The following WASF3 variants were observed in gnomAD, a reference collection of about 807,000 sequenced individuals.
WASF3 encodes the protein WASP family member 3.
A neutral mutation model predicts 46.6 loss-of-function variants in WASF3; 11 were observed. The ratio of observed to expected loss-of-function variants is 0.24; its 90% confidence interval spans 0.15 to 0.39. WASF3 has a LOEUF of 0.39. Ranked by LOEUF, WASF3 falls within the 10% of genes least tolerant of loss-of-function variation. WASF3 has a pLI of 1.00. For synonymous variants in WASF3, 242 were observed against 259.7 expected, an observed-to-expected ratio of 0.93 and a Z score of 0.65; for missense variants, 576 against 669.8, an observed-to-expected ratio of 0.86 and a Z score of 1.55.
At position 26,588,295 on chromosome 13, in the gene WASF3, T is replaced by G. The variant is rs551521394; in HGVS notation, c.-108-24666T>G. 7.4e-4 allele frequency among the ~76,000 whole-genome samples: 112 copies of G among 152,344 alleles called. 1 individual carries two copies. Among genetic ancestry groups the G allele is most frequent in the Admixed American group, 1.3e-3 (20 of 15,302 alleles). ...ATTGAATCCTCAAATGCTGTTTGTT[T>G]GTATGCTAAATGGAAATAGAGGCAG... On this transcript the variant is annotated intron_variant, in intron 1 of 9. Transcript: ENST00000335327.
chr13:26,610,518 G>A (rs1259637272), intron 1 of WASF3, among the ~76,000 whole-genome samples: 1 of 152,192 alleles, frequency 6.6e-6, no homozygotes, highest in Non-Finnish European at 1.5e-5. Context: ...TTATTGAGCA[G>A]GTAGAGGCAT....
At chr13:26,659,916 C>T (rs1165767318) in intron 3 of WASF3, among the ~76,000 whole-genome samples, 1 of 151,996 alleles carries the variant, frequency 6.6e-6, no homozygotes, top group Non-Finnish European at 1.5e-5. Context: ...TATTAGACAC[C>T]CAGTGATGCT....
At chr13:26,548,343 G>A in the WASF3 span, among the ~76,000 whole-genome samples, 112 of 152,236 alleles carry the variant, frequency 7.4e-4, no homozygotes, top group Middle Eastern at 0.01. Flanking sequence ...ACTTTCCGAA[G>A]GTCAATGATC....
chr13:26,541,610 C>T, the WASF3 span, among the ~76,000 whole-genome samples: 1 of 151,276 alleles, frequency 6.6e-6, no homozygotes, highest in Non-Finnish European at 1.5e-5. Flanking sequence ...GCCCCAGCTC[C>T]TTTGGGTTTC....
chr13:26,546,683 G>A, the WASF3 span, among the ~76,000 whole-genome samples: 1 of 152,322 alleles, frequency 6.6e-6, no homozygotes, highest in African/African-American at 2.4e-5. Flanking sequence ...CTGCACTCCA[G>A]CCTGGGCAAC....
chr13:26,579,920 G>A (rs892121537), intron 1 of WASF3, among the ~76,000 whole-genome samples: 9 of 152,184 alleles, frequency 5.9e-5, no homozygotes, highest in African/African-American at 2.2e-4. Context: ...TATGGCCCAT[G>A]GGCTGCATGT....
At chr13:26,601,566 TTA>T (rs1262344462) in intron 1 of WASF3, among the ~76,000 whole-genome samples, 1 of 152,202 alleles carries the variant, frequency 6.6e-6, no homozygotes, top group East Asian at 1.9e-4. Flanking sequence ...AGCTGGCATT[TTA>T]TGCAGAATTC....
chr13:26,570,152 G>C (rs370545906), intron 1 of WASF3, among the ~76,000 whole-genome samples: 3 of 152,100 alleles, frequency 2.0e-5, no homozygotes, highest in African/African-American at 7.2e-5. Flanking sequence ...GCCGGGTGTC[G>C]TGGCAGGCGC....
intron 3 of WASF3, among the ~76,000 whole-genome samples, chr13:26,659,949 G>C (rs919252369): frequency 6.6e-6 from 1 of 152,120 alleles, no homozygotes; most frequent in African/African-American, 2.4e-5. Flanking sequence ...TTTGATACAT[G>C]CATCAGGATC....
At chr13:26,554,090 TCCTTCC>T (rs1433934121), upstream of WASF3, among the ~76,000 whole-genome samples, 1 of 119,884 alleles carries the variant, frequency 8.3e-6, no homozygotes, top group South Asian at 2.9e-4. Context: ...CTTCCTTCCT[TCCTTCC>T]TTCTTTCTTT....
Position 26,681,135 on chromosome 13 carries a change from C to T in WASF3, c.798C>T (p.Ser266=), listed in dbSNP as rs1276158793. ...HSLHPQPVTP[S]YAAGDVPPHG... ...TGCACCCCCAGCCTGTGACCCCTTCCTATGCAGCTGGTGACGTGCCACCAC... is the reference window on the plus strand; with the variant it reads ...TGCACCCCCAGCCTGTGACCCCTTCTTATGCAGCTGGTGACGTGCCACCAC... The change falls in exon 8 of 10, where the codon TCC becomes TCT. Residue 266 remains serine (S), a synonymous_variant. Coordinates refer to ENST00000335327, the MANE Select transcript of WASF3 (RefSeq NM_006646.6). 6.2e-7 allele frequency: 1 copy of T among 1,614,216 alleles called. No homozygotes were observed. Among genetic ancestry groups the T allele is most frequent in the East Asian group, 2.2e-5 (1 of 44,878 alleles).
rs143474758 is a variant in WASF3 at position 26,609,842 on chromosome 13, T to G, written c.-108-3119T>G. On this transcript the variant is annotated intron_variant, in intron 1 of 9. Transcript: ENST00000335327. ...TGTCTATATGCTTTTCTTTGCAGTA[T>G]TTCTTTTCCCAGATGTTGGTAATAA... Among the ~76,000 whole-genome samples the G allele has an allele frequency of 5.3e-3, 802 of 152,306 alleles. 28 individuals are homozygous for G. Among genetic ancestry groups the G allele is most frequent in the Admixed American group, 0.046 (710 of 15,294 alleles).
At chr13:26,618,287 G>A (rs567399041) in intron 2 of WASF3, among the ~76,000 whole-genome samples, 3 of 152,058 alleles carry the variant, frequency 2.0e-5, no homozygotes, top group South Asian at 2.1e-4. Context: ...TTGTTTGTAC[G>A]AAATCAAAAT....
chr13:26,554,147 G>C (rs565407956), upstream of WASF3, among the ~76,000 whole-genome samples: 40 of 49,720 alleles, frequency 8.0e-4, no homozygotes, highest in African/African-American at 2.4e-3. Flanking sequence ...TTCTTTCTTT[G>C]ACAGAGTCTT....
At chr13:26,603,907 C>T (rs1880716915) in intron 1 of WASF3, among the ~76,000 whole-genome samples, 1 of 152,194 alleles carries the variant, frequency 6.6e-6, no homozygotes, top group Admixed American at 6.5e-5. Flanking sequence ...AAACACAGGC[C>T]TCTGAAGGTA....
intron 1 of WASF3, among the ~76,000 whole-genome samples, chr13:26,576,327 T>C (rs1879795436): frequency 6.6e-6 from 1 of 152,166 alleles, no homozygotes; most frequent in African/African-American, 2.4e-5. Context: ...GTTTCATTAC[T>C]TTCTTTTTTT....
intron 1 of WASF3, among the ~76,000 whole-genome samples, chr13:26,592,713 A>G (rs1486898003): frequency 6.6e-6 from 1 of 152,218 alleles, no homozygotes; most frequent in Non-Finnish European, 1.5e-5. Context: ...TGGATTATAT[A>G]CAATTCAGTG....
At chr13:26,677,288 C>T in intron 7 of WASF3, among the ~76,000 whole-genome samples, 1 of 152,214 alleles carries the variant, frequency 6.6e-6, no homozygotes. Flanking sequence ...AAAAATATTT[C>T]TTGCAGGCGT....
chr13:26,554,029 CTTT>C (rs1263175414), upstream of WASF3, among the ~76,000 whole-genome samples: 3,677 of 98,362 alleles, frequency 0.037, 786 homozygotes, highest in East Asian at 0.064. Flanking sequence ...TTCCTTCCTT[CTTT>C]CTCTTTCTTT....
Sources: gnomAD v4.1 joint callset for allele counts (sites outside exome capture counted in the v4.1 genomes callset) on GRCh38, gnomAD v4.1.1 for gene constraint, MANE v1.5 for transcripts, NCBI Gene and HGNC (gene_info 2026-07-23, HGNC 2026-07-21) for gene names.